The following ATRNL1 variants were observed in gnomAD, a reference collection of about 807,000 sequenced individuals.
ATRNL1 encodes attractin-like protein 1.
A neutral mutation model predicts 182.7 loss-of-function variants in ATRNL1; 95 were observed. The observed-to-expected ratio is 0.52, with a 90% CI of 0.44 to 0.62. ATRNL1 has a LOEUF of 0.62. Among genes scored for constraint, ATRNL1 ranks in the 20% least tolerant of loss-of-function variants. The pLI is 0.00. For missense variants in ATRNL1, 1,471 were observed against 1,679.5 expected (o/e 0.88, Z 2.17); for synonymous variants, 576 against 568.3 (o/e 1.01, Z -0.19).
intron 26 of ATRNL1, among the ~76,000 whole-genome samples, chr10:115,709,805 G>A (rs1434050744): frequency 6.6e-6 from 1 of 151,942 alleles, no homozygotes; most frequent in Non-Finnish European, 1.5e-5. Context: ...ACAGACATCT[G>A]AAGGCCTTTA....
At chr10:115,173,988 G>T in intron 8 of ATRNL1, among the ~76,000 whole-genome samples, 1 of 150,334 alleles carries the variant, frequency 6.7e-6, no homozygotes, top group East Asian at 1.9e-4. Context: ...TTTAATTATA[G>T]CTCTTCTCAC....
At chr10:115,166,412 A>G (rs899752963) in intron 7 of ATRNL1, among the ~76,000 whole-genome samples, 1 of 150,876 alleles carries the variant, frequency 6.6e-6, no homozygotes, top group Non-Finnish European at 1.5e-5. Context: ...TTTTTGGTGT[A>G]TACCCAGAAG....
intron 19 of ATRNL1, among the ~76,000 whole-genome samples, chr10:115,346,025 A>G (rs782344661): frequency 4.6e-5 from 7 of 152,070 alleles, no homozygotes; most frequent in East Asian, 1.9e-4. Context: ...TGGCCCTTGT[A>G]TCTTAGTTTG....
At position 115,127,131 on chromosome 10, in the gene ATRNL1, A is replaced by G. The variant is rs1183567535; in HGVS notation, c.492-462A>G. ...AAATGTATTGGAAATGTACAGCTAT[A>G]ACTAGAATGTAATTGTAATTGCTTA... On this transcript the variant is annotated intron_variant, in intron 3 of 28. Coordinates refer to ENST00000355044, the MANE Select transcript of ATRNL1 (RefSeq NM_207303.4). 2.0e-5 allele frequency among the ~76,000 whole-genome samples: 3 copies of G among 152,296 alleles called. No individual in the cohort carries two copies. The East Asian group carries it at 5.8e-4, about 29-fold the overall frequency.
At chr10:115,165,523 T>C in intron 6 of ATRNL1, 35 bp from the exon 7 acceptor site, 2 of 1,245,598 alleles carry the variant, frequency 1.6e-6, no homozygotes, top group Non-Finnish European at 2.2e-6. Flanking sequence ...AAATGAATCT[T>C]AGCTTATGAA....
chr10:115,481,204 T>C (rs1488526397), intron 24 of ATRNL1, among the ~76,000 whole-genome samples: 3 of 150,316 alleles, frequency 2.0e-5, no homozygotes, highest in African/African-American at 7.3e-5. Context: ...TTAGTTTTAA[T>C]ATAATATTAA....
chr10:115,849,020 A>G (rs782039355), intron 28 of ATRNL1, among the ~76,000 whole-genome samples: 3 of 152,226 alleles, frequency 2.0e-5, no homozygotes, highest in Non-Finnish European at 2.9e-5. Context: ...ACCAGACACA[A>G]AAAATGGAAA....
chr10:115,851,502 T>C (rs554080065), intron 28 of ATRNL1, among the ~76,000 whole-genome samples: 7 of 152,212 alleles, frequency 4.6e-5, no homozygotes, highest in Non-Finnish European at 7.3e-5. Context: ...CCCTTCCTTA[T>C]GGATCTTGTC....
At chr10:115,871,659 A>G (rs1555106181) in intron 28 of ATRNL1, among the ~76,000 whole-genome samples, 3 of 152,070 alleles carry the variant, frequency 2.0e-5, no homozygotes, top group African/African-American at 7.2e-5. Flanking sequence ...ATGAGGGTCT[A>G]TAAACTCTGG....
At chr10:115,923,770 A>G (rs1555119261) in intron 28 of ATRNL1, among the ~76,000 whole-genome samples, 1 of 152,254 alleles carries the variant, frequency 6.6e-6, no homozygotes. Flanking sequence ...GTATATACCC[A>G]GTAATGGGAT....
chr10:115,851,293 C>A (rs1160603852), intron 28 of ATRNL1, among the ~76,000 whole-genome samples: 3 of 152,112 alleles, frequency 2.0e-5, no homozygotes, highest in African/African-American at 7.2e-5. Flanking sequence ...AATTTCAACC[C>A]TGAAAATGAG....
intron 20 of ATRNL1, among the ~76,000 whole-genome samples, chr10:115,413,786 G>A (rs545789324): frequency 6.6e-6 from 1 of 152,150 alleles, no homozygotes; most frequent in East Asian, 1.9e-4. Context: ...TGGAGCTCTA[G>A]TTCCTTGTAA....
Position 115,727,325 on chromosome 10 carries a change from A to G in ATRNL1, c.3873A>G (p.Glu1291=), listed in dbSNP as rs1555060527. 6.2e-7 allele frequency: 1 copy of G among 1,614,084 alleles called. No homozygotes were observed. The highest frequency in any genetic ancestry group is 2.2e-5 in the East Asian group (1 of 44,872). Residue 1291 remains glutamate, a synonymous_variant, in exon 27 of 29, where the codon GAA becomes GAG. Transcript: ENST00000355044. The part of the protein sequence containing the change: ...SVDVALEVGA[E]QTEFLRGPLE... ...ATGTAGCTCTGGAAGTGGGAGCTGA[A>G]CAAACAGAGTTTCTGCGAGGGCCAT...
chr10:115,859,550 G>A (rs1407815137), intron 28 of ATRNL1, among the ~76,000 whole-genome samples: 1 of 152,184 alleles, frequency 6.6e-6, no homozygotes, highest in Non-Finnish European at 1.5e-5. Context: ...GAGAAAATAT[G>A]TAAAGGCTAA....
Position 115,944,772 on chromosome 10 carries a change from G to A in ATRNL1, c.4133G>A (p.Cys1378Tyr). 1 of 1,612,998 alleles carries A rather than the reference G, an allele frequency of 6.2e-7. No homozygotes were observed. The highest frequency in any genetic ancestry group is 2.2e-5 in the East Asian group (1 of 44,852). ...CACCTTTCAACACGTCAAGGAACTT[G>A]TGTCTGAGAAATGGAAACCGCTCCT... is the stretch of plus-strand genomic sequence containing the variant. Reference protein sequence around the residue: ...RKHLSTRQGTCV With the variant: ...RKHLSTRQGTYV Residue 1378 changes from cysteine to tyrosine, a missense_variant, in exon 29 of 29, where the codon TGT becomes TAT. Cys to Tyr is a radical substitution (Grantham distance 194). Transcript: ENST00000355044.
intron 27 of ATRNL1, chr10:115,820,608 A>C (rs1277806780): frequency 6.6e-6 from 1 of 152,116 alleles, no homozygotes; most frequent in Non-Finnish European, 1.5e-5. Flanking sequence ...AGCCTGTCAG[A>C]GGCAAAGGGC....
At chr10:115,774,248 C>T (rs995219990) in intron 27 of ATRNL1, among the ~76,000 whole-genome samples, 5 of 151,530 alleles carry the variant, frequency 3.3e-5, no homozygotes, top group African/African-American at 9.7e-5. Context: ...GCCAATGTGG[C>T]GAAACCCCGT....
rs538010945 is a variant in ATRNL1 at position 115,251,920 on chromosome 10, A to G, written c.1687+10195A>G. On this transcript the variant is annotated intron_variant, in intron 10 of 28. Transcript: ENST00000355044. ...AAATCAGTAAACTCTCCCTAATCCA[A>G]TCATAAGGTTCTGGCCACCTTGATC... 2.6e-5 allele frequency among the ~76,000 whole-genome samples: 4 copies of G among 152,124 alleles called. No individual in the cohort carries two copies. In the South Asian group the frequency reaches 8.3e-4, roughly 32 times the overall value.
intron 5 of ATRNL1, among the ~76,000 whole-genome samples, chr10:115,150,153 T>G (rs1846155897): frequency 6.6e-6 from 1 of 152,050 alleles, no homozygotes; most frequent in South Asian, 2.1e-4. Flanking sequence ...TAATAATCTT[T>G]GATAATCTTT....
Sources: gnomAD v4.1 joint callset for allele counts (sites outside exome capture counted in the v4.1 genomes callset) on GRCh38, gnomAD v4.1.1 for gene constraint, MANE v1.5 for transcripts, NCBI Gene and HGNC (gene_info 2026-07-23, HGNC 2026-07-21) for gene names.